The following TP63 variants were observed in gnomAD, a reference collection of about 807,000 sequenced individuals.
TP63 encodes tumor protein 63.
TP63 carries 17 observed loss-of-function variants against 82.8 expected under a neutral mutation model. The ratio of observed to expected loss-of-function variants is 0.21; its 90% CI spans 0.14 to 0.31. The LOEUF (loss-of-function observed/expected upper bound fraction) is 0.31, where lower values mean the gene tolerates loss of function less well. Among genes scored for constraint, TP63 ranks in the 10% least tolerant of loss-of-function variants. The probability of loss-of-function intolerance (pLI) is 1.00; values close to 1 mark genes in which losing one functional copy is unlikely to be tolerated. For missense variants in TP63, 648 were observed against 895.3 expected (o/e 0.72, Z 3.52); for synonymous variants, 330 against 321.7 (o/e 1.03, Z -0.28).
chr3:189,771,614 T>A (rs1438357924), intron 3 of TP63, among the ~76,000 whole-genome samples: 1 of 150,590 alleles, frequency 6.6e-6, no homozygotes, highest in African/African-American at 2.5e-5. Context: ...CTGTTAATAA[T>A]GTGACAGACT....
intron 3 of TP63, among the ~76,000 whole-genome samples, chr3:189,777,381 G>A (rs1490190325): frequency 6.6e-6 from 1 of 151,982 alleles, no homozygotes; most frequent in Non-Finnish European, 1.5e-5. Flanking sequence ...ATTTTTAGTA[G>A]AGATGGGATT....
At chr3:189,685,818 G>A (rs184029763) in intron 1 of TP63, among the ~76,000 whole-genome samples, 31 of 152,198 alleles carry the variant, frequency 2.0e-4, no homozygotes, top group Admixed American at 6.5e-4. Flanking sequence ...GTGAATCAGA[G>A]GTAATATATT....
intron 10 of TP63, among the ~76,000 whole-genome samples, chr3:189,874,981 C>CTTTTT (rs200117233): frequency 1.1e-4 from 12 of 114,242 alleles, no homozygotes; most frequent in African/African-American, 1.0e-4. Flanking sequence ...TCTTTCCTGT[C>CTTTTT]TTTTTTTTTT....
intron 1 of TP63, among the ~76,000 whole-genome samples, chr3:189,671,420 C>T (rs1043111924): frequency 6.6e-6 from 1 of 151,942 alleles, no homozygotes; most frequent in Non-Finnish European, 1.5e-5. Context: ...GGAAAGGGAA[C>T]TCTTACACAT....
chr3:189,880,295 T>G, intron 10 of TP63: 1 of 1,359,368 alleles, frequency 7.4e-7, no homozygotes, highest in East Asian at 2.6e-5. Flanking sequence ...TTGAAGACAC[T>G]TTGGCTCAGA....
At chr3:189,669,023 A>G (rs999373748) in intron 1 of TP63, among the ~76,000 whole-genome samples, 2 of 66,552 alleles carry the variant, frequency 3.0e-5, no homozygotes, top group African/African-American at 9.4e-5. Context: ...AAAGAAACCA[A>G]AAAAAAAACC....
chr3:189,742,012 G>T (rs1721020759), intron 3 of TP63, among the ~76,000 whole-genome samples: 1 of 152,070 alleles, frequency 6.6e-6, no homozygotes, highest in Admixed American at 6.5e-5. Context: ...GGAGGCCGAG[G>T]TGTGTGGATC....
At chr3:189,601,587 A>G in the TP63 span, among the ~76,000 whole-genome samples, 11 of 151,444 alleles carry the variant, frequency 7.3e-5, no homozygotes, top group South Asian at 1.9e-3. Flanking sequence ...TACTATTTTT[A>G]TCCTTAGAAC....
intron 3 of TP63, among the ~76,000 whole-genome samples, chr3:189,777,970 G>A (rs111945918): frequency 0.12 from 17,793 of 148,620 alleles, 1,228 homozygotes; most frequent in South Asian, 0.21. Context: ...ATTCTGGTGC[G>A]TCAGCCTCCT....
At chr3:189,826,354 C>T (rs947510481) in intron 4 of TP63, among the ~76,000 whole-genome samples, 5 of 152,166 alleles carry the variant, frequency 3.3e-5, no homozygotes, top group Non-Finnish European at 7.3e-5. Context: ...TTCCCTTTTG[C>T]TTATACTACT....
At chr3:189,615,234 G>A in the TP63 span, among the ~76,000 whole-genome samples, 3 of 152,082 alleles carry the variant, frequency 2.0e-5, no homozygotes, top group Admixed American at 6.6e-5. Context: ...CATGTGCACC[G>A]TCTTCTTCAG....
intron 1 of TP63, among the ~76,000 whole-genome samples, chr3:189,701,410 A>G (rs1194998145): frequency 3.3e-5 from 5 of 151,844 alleles, no homozygotes; most frequent in Non-Finnish European, 4.4e-5. Context: ...GCATCTAAAC[A>G]TGAACAAGAA....
Position 189,877,767 on chromosome 3 carries a change from C to T in TP63, c.1349+4772C>T, listed in dbSNP as rs1381178894. 2.6e-5 allele frequency among the ~76,000 whole-genome samples: 4 copies of T among 152,302 alleles called. No individual in the cohort carries two copies. In the East Asian group the frequency reaches 7.7e-4, roughly 29 times the overall value. ...TAGCCAGTTTATAATAAAGCTAAGA[C>T]TAGAATCAGATTTAGAACATAGAGC... On this transcript the variant is annotated intron_variant, in intron 10 of 13. Transcript: ENST00000264731.
At chr3:189,891,605 A>T (rs1721023487) in intron 13 of TP63, among the ~76,000 whole-genome samples, 1 of 152,174 alleles carries the variant, frequency 6.6e-6, no homozygotes, top group East Asian at 1.9e-4. Flanking sequence ...TCAGTTAATA[A>T]AATATTGGGT....
intron 1 of TP63, among the ~76,000 whole-genome samples, chr3:189,723,905 A>C (rs1034414977): frequency 2.0e-5 from 3 of 151,940 alleles, no homozygotes; most frequent in African/African-American, 7.3e-5. Flanking sequence ...AATAGTGTGC[A>C]CCCTCAGGAT....
chr3:189,629,252 T>G (rs1032610005), upstream of TP63, among the ~76,000 whole-genome samples: 1 of 151,928 alleles, frequency 6.6e-6, no homozygotes, highest in African/African-American at 2.4e-5. Context: ...GGTATGGTTG[T>G]GCTCACCTGT....
At chr3:189,691,985 A>G (rs1716971093) in intron 1 of TP63, among the ~76,000 whole-genome samples, 1 of 152,212 alleles carries the variant, frequency 6.6e-6, no homozygotes, top group Non-Finnish European at 1.5e-5. Flanking sequence ...AGATTTCTTC[A>G]TCATTTCTTT....
intron 3 of TP63, among the ~76,000 whole-genome samples, chr3:189,744,896 T>A (rs1305318142): frequency 6.6e-6 from 1 of 152,204 alleles, no homozygotes; most frequent in Non-Finnish European, 1.5e-5. Flanking sequence ...CTACTGCTAC[T>A]GCAGGAGTCC....
intron 1 of TP63, among the ~76,000 whole-genome samples, chr3:189,710,581 G>T (rs557645467): frequency 6.6e-6 from 1 of 152,062 alleles, no homozygotes; most frequent in Non-Finnish European, 1.5e-5. Flanking sequence ...TCCAACTCTA[G>T]TTCCTGGACT....
Sources: gnomAD v4.1 joint callset for allele counts (sites outside exome capture counted in the v4.1 genomes callset) on GRCh38, gnomAD v4.1.1 for gene constraint, MANE v1.5 for transcripts, NCBI Gene and HGNC (gene_info 2026-07-23, HGNC 2026-07-21) for gene names.